SLITRK4: variants seen among roughly 807,000 people sequenced by gnomAD.
SLITRK4 encodes the protein SLIT and NTRK like family member 4.
SLITRK4 carries 7 observed loss-of-function variants against 34.7 expected under a neutral mutation model. The ratio of observed to expected loss-of-function variants is 0.20; its 90% CI spans 0.11 to 0.38. SLITRK4 has a LOEUF of 0.38. SLITRK4 is among the 10% of genes least tolerant of loss of function. The probability of loss-of-function intolerance (pLI) is 1.00; values close to 1 mark genes in which losing one functional copy is unlikely to be tolerated. For synonymous variants in SLITRK4, 237 were observed against 246.2 expected (o/e 0.96, Z 0.35); for missense variants, 474 against 607.0 (o/e 0.78, Z 2.30).
rs1930697014 is a variant in SLITRK4 at position 143,623,641 on chromosome X, A to G, written c.*4954T>C. The G allele has an allele frequency of 8.9e-6, 1 of 111,843 alleles. No homozygotes were observed. The highest frequency in any genetic ancestry group is 1.9e-5 in the Non-Finnish European group (1 of 53,040). The allele number at this position is 111,843 out of a possible 1,213,427, so 9.2% of individuals were successfully genotyped here. ...AGGGCAGTTTTGTACAAAGTAAGTTATTAAAATTCATTTGAGTTCCCATTA... is the reference window on the plus strand; with the variant it reads ...AGGGCAGTTTTGTACAAAGTAAGTTGTTAAAATTCATTTGAGTTCCCATTA... On this transcript the variant is annotated 3_prime_UTR_variant, in exon 2 of 2. Coordinates refer to ENST00000356928, the MANE Select transcript of SLITRK4 (RefSeq NM_001184749.3).
At position 143,628,931 on chromosome X, in the gene SLITRK4, G is replaced by C. The variant is rs199684349; in HGVS notation, c.2178C>G (p.Asp726Glu). 8.3e-6 allele frequency: 10 copies of C among 1,209,643 alleles called. No individual in the cohort carries two copies. Among genetic ancestry groups the C allele is most frequent in the Non-Finnish European group, 1.0e-5 (9 of 895,006 alleles). The change falls in exon 2 of 2, where the codon GAC (aspartate) becomes GAG (glutamate). Residue 726 changes from aspartate (D) to glutamate (E), a missense_variant. Transcript: ENST00000356928. ...GQKVVMRNVA[D>E]KEKDLLHVDT... ...CTACATGTAATAAATCTTTCTCCTT[G>C]TCGGCCACATTTCTCATAACAACTT...
rs1556425437 is a variant in SLITRK4, at chrX:143,626,210, G to A, written c.*2385C>T. ...AAGCCTTTGCATCTTTATCCTGTCA[G>A]TATACATTAGGAGCCCTTTAATCCA... On this transcript the variant is annotated 3_prime_UTR_variant, in exon 2 of 2. Coordinates refer to ENST00000356928, the MANE Select transcript of SLITRK4 (RefSeq NM_001184749.3). 1.8e-5 allele frequency: 2 copies of A among 111,345 alleles called. No individual in the cohort carries two copies. The highest frequency in any genetic ancestry group is 1.9e-5 in the Non-Finnish European group (1 of 52,837). 9.2% of individuals were successfully genotyped at this position (111,345 alleles called of 1,213,427 possible).
chrX:143,630,122 A>G lies in SLITRK4; in HGVS notation c.987T>C (p.Ile329=). 1.7e-6 allele frequency: 2 copies of G among 1,212,036 alleles called. No homozygotes were observed. Among genetic ancestry groups the G allele is most frequent in the Non-Finnish European group, 2.2e-6 (2 of 895,637 alleles). The change falls in exon 2 of 2, where the codon ATT becomes ATC. Residue 329 remains isoleucine, a synonymous_variant. Coordinates refer to ENST00000356928, the MANE Select transcript of SLITRK4 (RefSeq NM_001184749.3). ...GAGGCACCCTTGTTTGGTAAGACAC[A>G]ATCTGACTGAGATTGCGGTTGGAGA... is the stretch of plus-strand genomic sequence containing the variant. ...KALSNRNLSQ[I]VSYQTRVPPL... is the part of the protein sequence containing the mutation.
In SLITRK4 at chrX:143,633,647, G is replaced by A. The variant is rs782019664; in HGVS notation, c.-51+2088C>T. Reference sequence around the variant, plus strand: ...CTGGGAGGAGAGAAGCGGCCTGAGGGGGGCAGAACACTGATGGGCTTCAGG... The same window carrying A: ...CTGGGAGGAGAGAAGCGGCCTGAGGAGGGCAGAACACTGATGGGCTTCAGG... On this transcript the variant is annotated intron_variant, in intron 1 of 1. Transcript: ENST00000356928. Among the ~76,000 whole-genome samples, 4 of 111,530 alleles carry A rather than the reference G, an allele frequency of 3.6e-5. No homozygotes were observed. The East Asian group carries it at 1.2e-3, about 32-fold the overall frequency.
At chrX:143,632,748 T>C (rs1931081393) in intron 1 of SLITRK4, among the ~76,000 whole-genome samples, 1 of 111,945 alleles carries the variant, frequency 8.9e-6, no homozygotes, top group Non-Finnish European at 1.9e-5. Flanking sequence ...GGCTGCCATA[T>C]AGACGTGCAT....
Position 143,630,088 on chromosome X carries a change from G to T in SLITRK4, c.1021C>A (p.Pro341Thr). The change falls in exon 2 of 2, where the codon CCT (proline) becomes ACT (threonine). Residue 341 changes from proline (P) to threonine (T), a missense_variant. Physicochemically the swap from Pro to Thr is conservative, Grantham distance 38. Around this residue, in one of 3 missense-constraint regions of SLITRK4, gnomAD observed 345 missense variants for 406.5 expected, o/e 0.85. Coordinates refer to ENST00000356928, the MANE Select transcript of SLITRK4 (RefSeq NM_001184749.3). ...TTGCAGAAGCAAGGTGCCGGGCAAG[G>T]TGTTAGAGGAGGCACCCTTGTTTGG... Reference protein sequence around the residue: ...SYQTRVPPLTPCPAPCFCKTH... With the variant: ...SYQTRVPPLTTCPAPCFCKTH... The T allele has an allele frequency of 8.3e-7, 1 of 1,212,091 alleles. No individual in the cohort carries two copies. The highest frequency in any genetic ancestry group is 1.1e-6 in the Non-Finnish European group (1 of 895,532).
chrX:143,632,605 TA>T (rs1301440221), intron 1 of SLITRK4, among the ~76,000 whole-genome samples: 1 of 111,915 alleles, frequency 8.9e-6, no homozygotes, highest in Non-Finnish European at 1.9e-5. Context: ...TTGTTTATTT[TA>T]CCCACGAGGA....
In SLITRK4 at chrX:143,626,995, C is replaced by T. The variant is rs1245214951; in HGVS notation, c.*1600G>A. On this transcript the variant is annotated 3_prime_UTR_variant, in exon 2 of 2. Transcript: ENST00000356928. Reference sequence around the variant, plus strand: ...ATATCACTTTGTTAATCGGGAGCTCCTACAAAAGTTCCGACATCACCCATT... The same window carrying T: ...ATATCACTTTGTTAATCGGGAGCTCTTACAAAAGTTCCGACATCACCCATT... 9.3e-6 allele frequency: 1 copy of T among 107,863 alleles called. No homozygotes were observed. Among genetic ancestry groups the T allele is most frequent in the Non-Finnish European group, 1.9e-5 (1 of 52,130 alleles). 8.9% of individuals were successfully genotyped at this position (107,863 alleles called of 1,213,427 possible).
rs1281716718 is a variant in SLITRK4 at position 143,626,413 on chromosome X, T to G, written c.*2182A>C. The G allele has an allele frequency of 6.3e-5, 7 of 110,834 alleles. No homozygotes were observed. Among genetic ancestry groups the G allele is most frequent in the Non-Finnish European group, 1.3e-4 (7 of 52,720 alleles). The allele number at this position is 110,834 out of a possible 1,213,427, so 9.1% of individuals were successfully genotyped here. A position where few individuals can be genotyped will look rare whatever the true frequency, so the allele number is the denominator to read the frequency against. Reference sequence around the variant, plus strand: ...TGTCATAAAAATTAAAATTACACACTAAAGTTTTAAGAGCACCAGCACATA... The same window carrying G: ...TGTCATAAAAATTAAAATTACACACGAAAGTTTTAAGAGCACCAGCACATA... On this transcript the variant is annotated 3_prime_UTR_variant, in exon 2 of 2. Coordinates refer to ENST00000356928, the MANE Select transcript of SLITRK4 (RefSeq NM_001184749.3).
At chrX:143,632,287 C>G (rs1360136033) in intron 1 of SLITRK4, among the ~76,000 whole-genome samples, 2 of 111,611 alleles carry the variant, frequency 1.8e-5, no homozygotes, top group Non-Finnish European at 3.8e-5. Context: ...ATGTCCCTGA[C>G]TGTAAACGCA....
rs1214561583 is a variant in SLITRK4 at position 143,629,341 on chromosome X, G to A, written c.1768C>T (p.Pro590Ser). The change falls in exon 2 of 2, where the codon CCA becomes TCA. Residue 590 changes from proline (P) to serine (S), a missense_variant. Pro to Ser is a moderately conservative substitution (Grantham distance 74, BLOSUM62 -1). Around this residue, in one of 3 missense-constraint regions of SLITRK4, gnomAD observed 345 missense variants for 406.5 expected, o/e 0.85. Coordinates refer to ENST00000356928, the MANE Select transcript of SLITRK4 (RefSeq NM_001184749.3). Reference sequence around the variant, plus strand: ...ATGGCAGGTGCAGGGCTTGTGAATGGTGCAGACGGCTTATTTAAAAGTTTG... The same window carrying A: ...ATGGCAGGTGCAGGGCTTGTGAATGATGCAGACGGCTTATTTAAAAGTTTG... ...CPKLLNKPSAPFTSPAPAITF... is the reference protein window; with the variant it reads ...CPKLLNKPSASFTSPAPAITF... 1 of 1,210,088 alleles carries A rather than the reference G, an allele frequency of 8.3e-7. No individual in the cohort carries two copies. The highest frequency in any genetic ancestry group is 1.1e-6 in the Non-Finnish European group (1 of 895,289).
chrX:143,634,054 G>T (rs1931144227), intron 1 of SLITRK4, among the ~76,000 whole-genome samples: 1 of 112,455 alleles, frequency 8.9e-6, no homozygotes, highest in South Asian at 3.7e-4. Flanking sequence ...CTAGACCCAG[G>T]CGTGCGGTGG....
At position 143,629,346 on chromosome X, in the gene SLITRK4, G is replaced by A. The variant is rs782091829; in HGVS notation, c.1763C>T (p.Ser588Phe). The change falls in exon 2 of 2, where the codon TCT (serine) becomes TTT (phenylalanine). Residue 588 changes from serine to phenylalanine, a missense_variant. By Grantham distance (155) the Ser-to-Phe change is radical. Around this residue, in one of 3 missense-constraint regions of SLITRK4, gnomAD observed 345 missense variants for 406.5 expected, o/e 0.85. Coordinates refer to ENST00000356928, the MANE Select transcript of SLITRK4 (RefSeq NM_001184749.3). ...AGGTGCAGGGCTTGTGAATGGTGCA[G>A]ACGGCTTATTTAAAAGTTTGGGACA... Reference protein sequence around the residue: ...ILCPKLLNKPSAPFTSPAPAI... With the variant: ...ILCPKLLNKPFAPFTSPAPAI... 1 of 1,211,694 alleles carries A rather than the reference G, an allele frequency of 8.3e-7. No individual in the cohort carries two copies. Among genetic ancestry groups the A allele is most frequent in the Admixed American group, 2.2e-5 (1 of 46,014 alleles).
At chrX:143,631,220 A>G in intron 1 of SLITRK4, 62 bp from the exon 2 acceptor site, 3 of 618,521 alleles carry the variant, frequency 4.9e-6, no homozygotes, top group Non-Finnish European at 7.2e-6. Flanking sequence ...CTTGTATGTA[A>G]ATCATACCAT....
Position 143,629,179 on chromosome X carries a change from G to T in SLITRK4, c.1930C>A (p.Arg644=), listed in dbSNP as rs782740433. Residue 644 remains arginine (R), a synonymous_variant, in exon 2 of 2, where the codon CGA becomes AGA. Transcript: ENST00000356928. The part of the protein sequence containing the change: ...VAFCLLVFVL[R]RNKKPTVKHE... ...TTCACTGTGGGTTTCTTGTTGCGTCGCAGGACAAAAACAAGAAGGCAAAAA... is the reference window on the plus strand; with the variant it reads ...TTCACTGTGGGTTTCTTGTTGCGTCTCAGGACAAAAACAAGAAGGCAAAAA... The T allele has an allele frequency of 9.1e-6, 11 of 1,210,997 alleles. No individual in the cohort carries two copies. Among genetic ancestry groups the T allele is most frequent in the Admixed American group, 8.7e-5 (4 of 45,925 alleles).
In SLITRK4 at chrX:143,629,611, T is replaced by C. The variant is rs1556426793; in HGVS notation, c.1498A>G (p.Arg500Gly). 8.3e-7 allele frequency: 1 copy of C among 1,211,681 alleles called. No homozygotes were observed. The highest frequency in any genetic ancestry group is 1.1e-6 in the Non-Finnish European group (1 of 895,586). Residue 500 changes from arginine (R) to glycine (G), a missense_variant, in exon 2 of 2, where the codon AGA (arginine) becomes GGA (glycine). Around this residue, in one of 3 missense-constraint regions of SLITRK4, gnomAD observed 345 missense variants for 406.5 expected, o/e 0.85. Coordinates refer to ENST00000356928, the MANE Select transcript of SLITRK4 (RefSeq NM_001184749.3). Reference sequence around the variant, plus strand: ...AATTTGTTGTTCCTCAGGTTCAGTCTAGCTAAGGGTGCTCCGGAAAAGATG... The same window carrying C: ...AATTTGTTGTTCCTCAGGTTCAGTCCAGCTAAGGGTGCTCCGGAAAAGATG... Reference protein sequence around the residue: ...VYIFSGAPLARLNLRNNKFMY... With the variant: ...VYIFSGAPLAGLNLRNNKFMY...
At chrX:143,635,401 C>T (rs782747468) in intron 1 of SLITRK4, among the ~76,000 whole-genome samples, 123 of 103,240 alleles carry the variant, frequency 1.2e-3, no homozygotes, top group African/African-American at 4.0e-3. Flanking sequence ...CTAACAAGGG[C>T]GCACTCGCCT....
At chrX:143,633,958 C>T (rs1556430092) in intron 1 of SLITRK4, among the ~76,000 whole-genome samples, 1 of 112,817 alleles carries the variant, frequency 8.9e-6, no homozygotes, top group Non-Finnish European at 1.9e-5. Flanking sequence ...CGGGATGTCG[C>T]GGGGGCCTTC....
Position 143,626,874 on chromosome X carries a change from A to G in SLITRK4, c.*1721T>C, listed in dbSNP as rs1179079987. The G allele has an allele frequency of 9.3e-6, 1 of 106,982 alleles. No homozygotes were observed. Among genetic ancestry groups the G allele is most frequent in the African/African-American group, 3.4e-5 (1 of 29,600 alleles). The allele number at this position is 106,982 out of a possible 1,213,427, so 8.8% of individuals were successfully genotyped here. ...CACATATATATACACACGCATATAT[A>G]TATACACACACACATATATATATAT... On this transcript the variant is annotated 3_prime_UTR_variant, in exon 2 of 2. Transcript: ENST00000356928.
Sources: gnomAD v4.1 joint callset for allele counts (sites outside exome capture counted in the v4.1 genomes callset) on GRCh38, gnomAD v4.1.1 for gene constraint, gnomAD v4.1.1 regional missense constraint, MANE v1.5 for transcripts, NCBI Gene and HGNC (gene_info 2026-07-23, HGNC 2026-07-21) for gene names.